The following AP3B2 variants were observed in gnomAD, a reference collection of about 807,000 sequenced individuals.
AP3B2 encodes the protein adaptor related protein complex 3 subunit beta 2.
AP3B2 carries 50 observed loss-of-function variants against 126.9 expected under a neutral mutation model. The observed-to-expected ratio is 0.39, with a 90% confidence interval of 0.31 to 0.50. AP3B2 has a LOEUF of 0.50. Among genes scored for constraint, AP3B2 ranks in the 20% least tolerant of loss-of-function variants. The pLI, the probability that AP3B2 is intolerant of heterozygous loss-of-function variation, is 0.79. For missense variants in AP3B2, 1,177 were observed against 1,426.4 expected (o/e 0.83, Z 2.82); for synonymous variants, 541 against 565.0 (o/e 0.96, Z 0.60).
At chr15:82,689,511 C>A in intron 1 of AP3B2, 58 bp from the exon 2 acceptor site, 1 of 1,523,922 alleles carries the variant, frequency 6.6e-7, no homozygotes, top group East Asian at 2.3e-5. Context: ...GGGTATTAAT[C>A]AGGAGGGTCC....
chr15:82,689,648 G>T (rs1475359564), intron 1 of AP3B2, 195 bp from the exon 2 acceptor site: 8 of 596,952 alleles, frequency 1.3e-5, no homozygotes, highest in Non-Finnish European at 2.4e-5. Flanking sequence ...ATTGTGGGTT[G>T]AACTGTGTCC....
At chr15:82,688,961 A>G in intron 3 of AP3B2, 130 bp from the exon 4 acceptor site, 1 of 1,000,128 alleles carries the variant, frequency 1.0e-6, no homozygotes, top group South Asian at 1.6e-5. Flanking sequence ...GGGGGAGAGC[A>G]CCCCTGAGTG....
chr15:82,694,287 G>A (rs2048599148), intron 1 of AP3B2, among the ~76,000 whole-genome samples: 1 of 151,998 alleles, frequency 6.6e-6, no homozygotes, highest in Admixed American at 6.6e-5. Context: ...TTACAAGTGT[G>A]AGCCACTGTG....
At chr15:82,678,063 G>C (rs780777206) in intron 11 of AP3B2, 42 bp downstream of exon 11, 2 of 1,601,016 alleles carry the variant, frequency 1.2e-6, no homozygotes, top group East Asian at 4.5e-5. Context: ...GGATCTGATG[G>C]GCCCCTCTCC....
rs1226910164 is a variant in AP3B2 at position 82,700,397 on chromosome 15, C to CTTTTTTTTTT, written c.113+9187_113+9196dup. On this transcript the variant is annotated intron_variant, in intron 1 of 26. Transcript: ENST00000535359. ...CCACTGGCCTGCCAGTGGTGGGTGG[C>CTTTTTTTTTT]TTTTTTTTTTTTTTTTTTCAGATGG... Among the ~76,000 whole-genome samples, 106 of 35,080 alleles carry CTTTTTTTTTT rather than the reference C, an allele frequency of 3.0e-3. 35 individuals are homozygous for CTTTTTTTTTT. The highest frequency in any genetic ancestry group is 3.7e-3 in the Non-Finnish European group (73 of 19,524). 23.0% of individuals were successfully genotyped at this position (35,080 alleles called of 152,430 possible).
In AP3B2 at chr15:82,677,745, C is replaced by T. The variant is rs770169486; in HGVS notation, c.1304G>A (p.Arg435His). The T allele has an allele frequency of 2.5e-6, 4 of 1,612,076 alleles. No individual in the cohort carries two copies. The highest frequency in any genetic ancestry group is 3.3e-5 in the Admixed American group (2 of 59,822). ...FVAATIQAIG[R>H]CATNIGRVRD... is the part of the protein sequence containing the mutation. ...GACTCGGCCGATGTTAGTTGCACAG[C>T]GTCCAATGGCCTGGATTGTGGCTGC... The change falls in exon 12 of 27, where the codon CGC (arginine) becomes CAC (histidine). Residue 435 changes from arginine to histidine, a missense_variant. By Grantham distance (29) the Arg-to-His change is conservative. Coordinates refer to ENST00000535359, the MANE Select transcript of AP3B2 (RefSeq NM_001278512.2).
chr15:82,668,801 C>T (rs1434487490), intron 14 of AP3B2, among the ~76,000 whole-genome samples: 2 of 152,024 alleles, frequency 1.3e-5, no homozygotes, highest in African/African-American at 2.4e-5. Flanking sequence ...CTGAGATACA[C>T]TCCAGTGTGC....
In AP3B2 at chr15:82,663,747, T is replaced by C. The variant is rs751739561; in HGVS notation, c.2436+54A>G. ...TAGATGTCTGGGCCTGGCCCAGAGGTTGGGGAGGGCCCTGGCCCATGAGCA... is the reference window on the plus strand; with the variant it reads ...TAGATGTCTGGGCCTGGCCCAGAGGCTGGGGAGGGCCCTGGCCCATGAGCA... On this transcript the variant is annotated intron_variant, in intron 20 of 26. Coordinates refer to ENST00000535359, the MANE Select transcript of AP3B2 (RefSeq NM_001278512.2). 104 of 1,597,158 alleles carry C rather than the reference T, an allele frequency of 6.5e-5. 1 individual carries two copies. The highest frequency in any genetic ancestry group is 1.1e-4 in the African/African-American group (8 of 74,584).
chr15:82,687,198 A>G (rs976265289), intron 4 of AP3B2: 2 of 152,204 alleles, frequency 1.3e-5, no homozygotes, highest in African/African-American at 4.8e-5. Flanking sequence ...CTGGCATGCT[A>G]CAGCCCTTGG....
At chr15:82,697,328 C>T (rs2048644915) in intron 1 of AP3B2, among the ~76,000 whole-genome samples, 1 of 151,562 alleles carries the variant, frequency 6.6e-6, no homozygotes, top group Admixed American at 6.6e-5. Flanking sequence ...AACGAGACTC[C>T]ATCTCAAAAA....
rs746399181 is a variant in AP3B2, at chr15:82,663,842, C to T, written c.2395G>A (p.Glu799Lys). ...GAGGCAGGTTCTAACTGCTCCTCCT[C>T]GGACTCCGATGTCATCTCGGACTCT... ...SSESEMTSES[E>K]EEQLEPASWS... Residue 799 changes from glutamate (E) to lysine (K), a missense_variant, in exon 20 of 27, where the codon GAG (glutamate) becomes AAG (lysine). This residue lies in a region of AP3B2 where 587 missense variants were observed against 571.3 expected (regional missense o/e 1.03). Coordinates refer to ENST00000535359, the MANE Select transcript of AP3B2 (RefSeq NM_001278512.2). 2.5e-5 allele frequency: 41 copies of T among 1,613,750 alleles called. No homozygotes were observed. Among genetic ancestry groups the T allele is most frequent in the Non-Finnish European group, 3.2e-5 (38 of 1,179,848 alleles).
At chr15:82,672,243 G>C (rs1596175023) in intron 14 of AP3B2, among the ~76,000 whole-genome samples, 1 of 152,124 alleles carries the variant, frequency 6.6e-6, no homozygotes, top group Non-Finnish European at 1.5e-5. Context: ...AGAAAATACG[G>C]TACATATGCA....
rs1300395907 is a variant in AP3B2, at chr15:82,676,587, C to T, written c.1539G>A (p.Glu513=). 1.2e-6 allele frequency: 2 copies of T among 1,613,984 alleles called. No homozygotes were observed. The highest frequency in any genetic ancestry group is 2.2e-5 in the South Asian group (2 of 91,080). Residue 513 remains glutamate, a synonymous_variant, in exon 14 of 27, where the codon GAG becomes GAA. Transcript: ENST00000535359. The part of the protein sequence containing the change: ...SILWLIGEYC[E]HVPRIAPDVL... ...CATCAGGTGCAATCCTGGGGACATGCTCACAGTACTCTCCGATGAGCCACA... is the reference window on the plus strand; with the variant it reads ...CATCAGGTGCAATCCTGGGGACATGTTCACAGTACTCTCCGATGAGCCACA...
intron 4 of AP3B2, among the ~76,000 whole-genome samples, chr15:82,682,481 G>A (rs1283183282): frequency 2.0e-5 from 3 of 152,094 alleles, no homozygotes; most frequent in Non-Finnish European, 4.4e-5. Context: ...TATATTACAG[G>A]CATACCTCGG....
rs142912696 is a variant in AP3B2 at position 82,701,894 on chromosome 15, T to C, written c.113+7700A>G. ...AGTAGAAAGGAATTGAGCTCTTCTT[T>C]GTCAACCAATGGTCATGATTTTTTT... On this transcript the variant is annotated intron_variant, in intron 1 of 26. Transcript: ENST00000535359. 1.5e-4 allele frequency among the ~76,000 whole-genome samples: 23 copies of C among 152,342 alleles called. No individual in the cohort carries two copies. The East Asian group carries it at 4.0e-3, about 27-fold the overall frequency.
rs2047894894 is a variant in AP3B2 at position 82,659,375 on chromosome 15, C to G, written c.*185G>C. 1 of 676,942 alleles carries G rather than the reference C, an allele frequency of 1.5e-6. No individual in the cohort carries two copies. The highest frequency in any genetic ancestry group is 1.8e-5 in the African/African-American group (1 of 55,476). The allele number at this position is 676,942 out of a possible 1,614,324, so 41.9% of individuals were successfully genotyped here. A position where few individuals can be genotyped will look rare whatever the true frequency, so the allele number is the denominator to read the frequency against. ...GGCTGCCATCTCTCTCTGCACAGAT[C>G]ACTAAGGAATCCATGGGGAGGGCAT... is the stretch of plus-strand genomic sequence containing the variant. On this transcript the variant is annotated 3_prime_UTR_variant, in exon 27 of 27. Coordinates refer to ENST00000535359, the MANE Select transcript of AP3B2 (RefSeq NM_001278512.2).
intron 1 of AP3B2, among the ~76,000 whole-genome samples, chr15:82,700,865 T>A (rs2048710467): frequency 6.6e-6 from 1 of 151,882 alleles, no homozygotes; most frequent in South Asian, 2.1e-4. Flanking sequence ...TTTATTTACT[T>A]ATTTATTTAT....
chr15:82,688,968 A>G, intron 3 of AP3B2, 137 bp from the exon 4 acceptor site: 1 of 995,864 alleles, frequency 1.0e-6, no homozygotes, highest in Admixed American at 2.1e-5. Flanking sequence ...AGCACCCCTG[A>G]GTGTATCCGG....
At chr15:82,672,943 G>A (rs1249801246) in intron 14 of AP3B2, among the ~76,000 whole-genome samples, 1 of 152,184 alleles carries the variant, frequency 6.6e-6, no homozygotes, top group African/African-American at 2.4e-5. Context: ...TCCTACAACT[G>A]CAAGGAAGTG....
Sources: allele counts gnomAD v4.1 joint callset (sites outside exome capture counted in the v4.1 genomes callset), GRCh38; gene constraint gnomAD v4.1.1; regional missense constraint gnomAD v4.1.1; transcripts MANE v1.5; gene names NCBI Gene and HGNC (gene_info 2026-07-23, HGNC 2026-07-21).